The following KALRN variants were observed in gnomAD, a reference collection of about 807,000 sequenced individuals.
KALRN encodes the protein kalirin.
A neutral mutation model predicts 353.7 loss-of-function variants in KALRN; 70 were observed. The ratio of observed to expected loss-of-function variants is 0.20; its 90% CI spans 0.16 to 0.24. The LOEUF (loss-of-function observed/expected upper bound fraction) is 0.24, where lower values mean the gene tolerates loss of function less well. KALRN is among the 10% of genes least tolerant of loss of function. KALRN has a pLI of 1.00. For missense variants in KALRN, 2,791 were observed against 3,756.7 expected (o/e 0.74, Z 6.72); for synonymous variants, 1,391 against 1,434.8 (o/e 0.97, Z 0.69).
intron 1 of KALRN, among the ~76,000 whole-genome samples, chr3:124,211,657 G>C (rs1008343321): frequency 2.0e-4 from 30 of 152,262 alleles, no homozygotes; most frequent in African/African-American, 7.0e-4. Flanking sequence ...GTCTCATTGT[G>C]CTTTATATTC....
At chr3:124,280,342 A>C (rs1006846109) in intron 5 of KALRN, among the ~76,000 whole-genome samples, 3 of 152,046 alleles carry the variant, frequency 2.0e-5, no homozygotes, top group Non-Finnish European at 4.4e-5. Flanking sequence ...CTGTAGTTAC[A>C]CCCTGCAGTC....
At chr3:124,381,988 C>T (rs1299722075) in intron 10 of KALRN, among the ~76,000 whole-genome samples, 1 of 152,148 alleles carries the variant, frequency 6.6e-6, no homozygotes, top group Non-Finnish European at 1.5e-5. Flanking sequence ...CCTCAGACTC[C>T]TGCCTATATT....
chr3:124,657,885 G>A (rs1013241405), intron 41 of KALRN, 82 bp downstream of exon 41: 5 of 1,020,876 alleles, frequency 4.9e-6, no homozygotes, highest in Non-Finnish European at 6.1e-6. Flanking sequence ...CAGGCACAGT[G>A]GCTCACACCT....
chr3:124,588,406 T>C (rs562592804), intron 34 of KALRN, among the ~76,000 whole-genome samples: 2 of 152,174 alleles, frequency 1.3e-5, no homozygotes, highest in Non-Finnish European at 2.9e-5. Flanking sequence ...CTGACCTTTC[T>C]AGGTAGAAGC....
At chr3:124,554,013 G>A (rs980431322) in intron 33 of KALRN, among the ~76,000 whole-genome samples, 1 of 152,232 alleles carries the variant, frequency 6.6e-6, no homozygotes, top group Non-Finnish European at 1.5e-5. Flanking sequence ...ACTTGAGTCA[G>A]TGTCTAGTTA....
At chr3:124,400,943 G>A (rs530472061) in intron 13 of KALRN, among the ~76,000 whole-genome samples, 56 of 152,234 alleles carry the variant, frequency 3.7e-4, no homozygotes, top group Non-Finnish European at 5.6e-4. Flanking sequence ...AGTTTTATTT[G>A]AAAAGATAGC....
At chr3:124,481,590 C>G (rs1430409327) in intron 27 of KALRN, among the ~76,000 whole-genome samples, 1 of 152,228 alleles carries the variant, frequency 6.6e-6, no homozygotes, top group African/African-American at 2.4e-5. Flanking sequence ...TCAAACCCAT[C>G]AATGACCCAA....
At chr3:124,104,564 T>C (rs1215538298) in intron 1 of KALRN, among the ~76,000 whole-genome samples, 1 of 152,172 alleles carries the variant, frequency 6.6e-6, no homozygotes. Context: ...GATTCTTGCA[T>C]TGGCATGTTG....
chr3:124,163,855 C>A (rs530152672), intron 1 of KALRN: 2 of 985,468 alleles, frequency 2.0e-6, no homozygotes, highest in African/African-American at 3.5e-5. Flanking sequence ...TTTGCTTTCA[C>A]CTCTGCATGA....
At chr3:124,515,439 G>A (rs2066427408) in intron 33 of KALRN, among the ~76,000 whole-genome samples, 1 of 152,212 alleles carries the variant, frequency 6.6e-6, no homozygotes, top group Non-Finnish European at 1.5e-5. Context: ...TCTGGACAAT[G>A]TGTGCTGGAA....
chr3:124,235,501 G>GTTTATGTATT (rs11281060), intron 3 of KALRN, among the ~76,000 whole-genome samples: 143,777 of 152,070 alleles, frequency 0.95, 68,507 homozygotes, highest in East Asian at 1. Flanking sequence ...CAAGGACATA[G>GTTTATGTATT]TTGAGACGGA....
At chr3:124,388,054 G>T (rs1404814101) in intron 11 of KALRN, among the ~76,000 whole-genome samples, 1 of 151,956 alleles carries the variant, frequency 6.6e-6, no homozygotes, top group Non-Finnish European at 1.5e-5. Flanking sequence ...ACATATATGT[G>T]TACACACACA....
chr3:124,408,775 TG>T (rs1309267884), intron 13 of KALRN, among the ~76,000 whole-genome samples: 1 of 151,542 alleles, frequency 6.6e-6, no homozygotes, highest in African/African-American at 2.4e-5. Context: ...TCAAAACATC[TG>T]GGGAAGAGGG....
At chr3:124,459,910 T>C (rs1190390985) in intron 23 of KALRN, among the ~76,000 whole-genome samples, 1 of 152,134 alleles carries the variant, frequency 6.6e-6, no homozygotes, top group Admixed American at 6.6e-5. Flanking sequence ...TGTAACCAAG[T>C]ACCACAAATT....
chr3:124,262,810 C>T (rs759233687), intron 3 of KALRN, among the ~76,000 whole-genome samples: 1 of 152,188 alleles, frequency 6.6e-6, no homozygotes, highest in Non-Finnish European at 1.5e-5. Context: ...CTGCCAGCAG[C>T]TGTAAGCAAC....
intron 10 of KALRN, among the ~76,000 whole-genome samples, chr3:124,360,599 T>G (rs754035351): frequency 6.6e-6 from 1 of 152,210 alleles, no homozygotes; most frequent in Non-Finnish European, 1.5e-5. Context: ...TTGGCATGGT[T>G]TAGAAAGGAA....
chr3:124,694,240 G>C (rs1292565813), intron 52 of KALRN, 92 bp from the exon 53 acceptor site: 4 of 1,188,728 alleles, frequency 3.4e-6, no homozygotes, highest in Non-Finnish European at 2.5e-6. Context: ...ACATGACATG[G>C]GTGGGAAATG....
chr3:124,043,618 G>A (rs2040160744), intron 1 of KALRN, among the ~76,000 whole-genome samples: 1 of 152,090 alleles, frequency 6.6e-6, no homozygotes, highest in Non-Finnish European at 1.5e-5. Flanking sequence ...TCATCTGGCT[G>A]GAAGACTCAG....
intron 1 of KALRN, among the ~76,000 whole-genome samples, chr3:124,154,644 C>T (rs2068700530): frequency 6.6e-6 from 1 of 152,202 alleles, no homozygotes; most frequent in Admixed American, 6.5e-5. Context: ...ATTCCATGCT[C>T]ATGGGTAGGA....
Sources: gnomAD v4.1 joint callset for allele counts (sites outside exome capture counted in the v4.1 genomes callset) on GRCh38, gnomAD v4.1.1 for gene constraint, MANE v1.5 for transcripts, NCBI Gene and HGNC (gene_info 2026-07-23, HGNC 2026-07-21) for gene names.